The following FOXP2 variants were observed in gnomAD, a reference collection of about 807,000 sequenced individuals.
The protein encoded by FOXP2 is forkhead box protein P2.
In FOXP2, 12 loss-of-function variants were observed where a neutral mutation model predicts 115.8. The ratio of observed to expected loss-of-function variants is 0.10; its 90% confidence interval spans 0.07 to 0.17. The LOEUF (loss-of-function observed/expected upper bound fraction) is 0.17, where lower values mean the gene tolerates loss of function less well. Among genes scored for constraint, FOXP2 ranks in the 10% least tolerant of loss-of-function variants. FOXP2 has a pLI of 1.00. For missense variants in FOXP2, 629 were observed against 843.5 expected, an observed-to-expected ratio of 0.75 and a Z score of 3.15; for synonymous variants, 328 against 297.7, an observed-to-expected ratio of 1.10 and a Z score of -1.05.
chr7:114,679,388 C>T (rs1228116041), intron 16 of FOXP2, among the ~76,000 whole-genome samples: 1 of 152,220 alleles, frequency 6.6e-6, no homozygotes, highest in Admixed American at 6.5e-5. Flanking sequence ...TAACTTATTA[C>T]ATTGTTTTAG....
At chr7:114,583,231 T>C (rs1801958178) in intron 3 of FOXP2, among the ~76,000 whole-genome samples, 1 of 151,910 alleles carries the variant, frequency 6.6e-6, no homozygotes, top group Admixed American at 6.6e-5. Context: ...AACCCAAAAT[T>C]AGCTGGTCAT....
chr7:114,327,849 A>G (rs1331371486), intron 2 of FOXP2, among the ~76,000 whole-genome samples: 1 of 148,876 alleles, frequency 6.7e-6, no homozygotes, highest in Non-Finnish European at 1.5e-5. Context: ...TTTTCTTTTC[A>G]TGATACCATA....
chr7:114,443,755 A>G (rs966052403), intron 2 of FOXP2, among the ~76,000 whole-genome samples: 2 of 151,928 alleles, frequency 1.3e-5, no homozygotes, highest in African/African-American at 4.8e-5. Context: ...ACATGATCTC[A>G]CTCTTTTTAA....
At chr7:114,572,572 A>G (rs1801369333) in intron 3 of FOXP2, among the ~76,000 whole-genome samples, 1 of 151,874 alleles carries the variant, frequency 6.6e-6, no homozygotes, top group Non-Finnish European at 1.5e-5. Flanking sequence ...AAAGAAAATT[A>G]ACTTAAAATT....
In FOXP2 at chr7:114,691,354, A is replaced by G. The variant is rs568902726; in HGVS notation, c.*1428A>G. On this transcript the variant is annotated 3_prime_UTR_variant, in exon 17 of 17. Coordinates refer to ENST00000350908, the MANE Select transcript of FOXP2 (RefSeq NM_014491.4). ...TATTGATTTTAAAGTGATCTAGCTGAGTTTTTACACTGAAAGCAAAGATTA... is the reference window on the plus strand; with the variant it reads ...TATTGATTTTAAAGTGATCTAGCTGGGTTTTTACACTGAAAGCAAAGATTA... 1.9e-4 allele frequency: 85 copies of G among 453,976 alleles called. 1 individual carries two copies. The highest frequency in any genetic ancestry group is 1.7e-3 in the African/African-American group (84 of 50,100). The allele number at this position is 453,976 out of a possible 1,614,324, so 28.1% of individuals were successfully genotyped here.
intron 1 of FOXP2, among the ~76,000 whole-genome samples, chr7:114,286,745 T>C (rs1487708762): frequency 6.6e-6 from 1 of 152,034 alleles, no homozygotes; most frequent in East Asian, 1.9e-4. Context: ...TACAATTCAC[T>C]AAACAGTGGT....
intron 2 of FOXP2, among the ~76,000 whole-genome samples, chr7:114,489,020 C>A (rs1289440806): frequency 1.3e-5 from 2 of 152,070 alleles, no homozygotes; most frequent in African/African-American, 2.4e-5. Flanking sequence ...ACTCCACCTG[C>A]AAAAACAGAT....
At chr7:114,535,895 G>T (rs577656895) in intron 3 of FOXP2, among the ~76,000 whole-genome samples, 1 of 150,572 alleles carries the variant, frequency 6.6e-6, no homozygotes, top group Admixed American at 6.7e-5. Context: ...ATTCTTTTCA[G>T]TTTTTTTTTC....
At chr7:114,530,088 T>C (rs898429377) in intron 2 of FOXP2, among the ~76,000 whole-genome samples, 1 of 151,888 alleles carries the variant, frequency 6.6e-6, no homozygotes, top group African/African-American at 2.4e-5. Flanking sequence ...GTTCTGGTTA[T>C]CTGCAAAGTA....
chr7:114,106,202 G>A (rs958600578), intron 1 of FOXP2, among the ~76,000 whole-genome samples: 5 of 151,970 alleles, frequency 3.3e-5, no homozygotes, highest in African/African-American at 1.2e-4. Flanking sequence ...TATCTCACCT[G>A]TAAAATATAG....
At chr7:114,337,470 A>G (rs998647588) in intron 2 of FOXP2, among the ~76,000 whole-genome samples, 1 of 151,240 alleles carries the variant, frequency 6.6e-6, no homozygotes, top group South Asian at 2.1e-4. Flanking sequence ...TTATGCTGTA[A>G]TAGTCATCTT....
At chr7:114,253,621 C>T (rs2129169936) in intron 1 of FOXP2, among the ~76,000 whole-genome samples, 1 of 151,616 alleles carries the variant, frequency 6.6e-6, no homozygotes, top group East Asian at 2.0e-4. Flanking sequence ...CAACCCCTGC[C>T]TTTTCTTGTT....
chr7:114,405,603 T>C (rs1793016577), intron 2 of FOXP2, among the ~76,000 whole-genome samples: 1 of 151,872 alleles, frequency 6.6e-6, no homozygotes, highest in Non-Finnish European at 1.5e-5. Flanking sequence ...AACGTTAACA[T>C]TGGTAACAGG....
intron 1 of FOXP2, among the ~76,000 whole-genome samples, chr7:114,214,678 G>A (rs151284077): frequency 0.011 from 1,700 of 152,162 alleles, 23 homozygotes; most frequent in Admixed American, 0.017. Flanking sequence ...TGCTGGGGTC[G>A]TTGCTCAGTC....
At chr7:114,494,214 G>T (rs1190987017) in intron 2 of FOXP2, among the ~76,000 whole-genome samples, 1 of 152,064 alleles carries the variant, frequency 6.6e-6, no homozygotes, top group Non-Finnish European at 1.5e-5. Flanking sequence ...TTAAAGTATT[G>T]ATACTTAGAA....
chr7:114,591,913 AC>A (rs970011496), intron 3 of FOXP2, among the ~76,000 whole-genome samples: 1 of 152,096 alleles, frequency 6.6e-6, no homozygotes, highest in African/African-American at 2.4e-5. Flanking sequence ...GCTATTGGGC[AC>A]TTAAATATGG....
chr7:114,138,454 C>T (rs1792104875), intron 1 of FOXP2, among the ~76,000 whole-genome samples: 1 of 150,264 alleles, frequency 6.7e-6, no homozygotes, highest in Admixed American at 6.7e-5. Flanking sequence ...GGCAATGACG[C>T]AATCTCGGCT....
At chr7:114,148,886 G>A (rs1792456038) in intron 1 of FOXP2, among the ~76,000 whole-genome samples, 1 of 151,976 alleles carries the variant, frequency 6.6e-6, no homozygotes, top group Non-Finnish European at 1.5e-5. Context: ...TCCTTGTTTG[G>A]ATTACTACTT....
intron 2 of FOXP2, among the ~76,000 whole-genome samples, chr7:114,450,854 A>T (rs1006084856): frequency 6.6e-6 from 1 of 152,092 alleles, no homozygotes; most frequent in African/African-American, 2.4e-5. Flanking sequence ...AATATTCAGG[A>T]ATCATATTAA....
Sources: allele counts gnomAD v4.1 joint callset (sites outside exome capture counted in the v4.1 genomes callset), GRCh38; gene constraint gnomAD v4.1.1; transcripts MANE v1.5; gene names NCBI Gene and HGNC (gene_info 2026-07-23, HGNC 2026-07-21).